The following OSBPL10 variants were observed in gnomAD, a reference collection of about 807,000 sequenced individuals.
OSBPL10 encodes the protein oxysterol binding protein like 10.
A neutral mutation model predicts 81.7 loss-of-function variants in OSBPL10; 49 were observed. That is an observed-to-expected ratio of 0.60 (90% CI 0.48 to 0.76). OSBPL10 has a LOEUF of 0.76. Ranked by LOEUF, OSBPL10 falls within the 30% of genes least tolerant of loss-of-function variation. OSBPL10 has a pLI of 0.00. For synonymous variants in OSBPL10, 419 were observed against 383.6 expected (o/e 1.09, Z -1.08); for missense variants, 923 against 987.8 (o/e 0.93, Z 0.88).
intron 1 of OSBPL10, among the ~76,000 whole-genome samples, chr3:31,976,154 G>A (rs1212291155): frequency 2.0e-5 from 3 of 152,042 alleles, no homozygotes; most frequent in African/African-American, 7.2e-5. Flanking sequence ...ACAGCACTCA[G>A]AATAAAAACC....
chr3:31,783,111 TTATATATATATATA>T (rs56846176), intron 4 of OSBPL10, among the ~76,000 whole-genome samples: 61,461 of 121,810 alleles, frequency 0.5, 16,526 homozygotes, highest in East Asian at 0.73. Flanking sequence ...AATATATCTA[TTATATATATATATA>T]TATATATATA....
At chr3:31,683,370 C>T (rs1339650479) in intron 8 of OSBPL10, among the ~76,000 whole-genome samples, 3 of 152,026 alleles carry the variant, frequency 2.0e-5, no homozygotes, top group Non-Finnish European at 2.9e-5. Flanking sequence ...CACGCACGCG[C>T]GTGCACAGCA....
chr3:31,953,119 A>G (rs1697916918), intron 1 of OSBPL10, among the ~76,000 whole-genome samples: 1 of 151,480 alleles, frequency 6.6e-6, no homozygotes, highest in Non-Finnish European at 1.5e-5. Context: ...TTTTTAGTAG[A>G]GACGGGGGTC....
In OSBPL10 at chr3:31,789,844, T is replaced by C. The variant is rs563083956; in HGVS notation, c.729+40196A>G. ...TATGCACCAAAAATAAAGAGGATAC[T>C]TCTTCCTTGTAACCTGAGTTGTATG... On this transcript the variant is annotated intron_variant, in intron 4 of 11. Transcript: ENST00000396556. Among the ~76,000 whole-genome samples, 10 of 152,342 alleles carry C rather than the reference T, an allele frequency of 6.6e-5. No individual in the cohort carries two copies. In the South Asian group the frequency reaches 1.9e-3, roughly 28 times the overall value.
At chr3:31,990,817 T>C in intron 2 of OSBPL10, 4 of 1,601,170 alleles carry the variant, frequency 2.5e-6, no homozygotes, top group Non-Finnish European at 3.4e-6. Context: ...TCAAGCTTCA[T>C]CTTATGCAAA....
intron 3 of OSBPL10, among the ~76,000 whole-genome samples, chr3:31,832,743 C>T (rs990352296): frequency 4.6e-5 from 7 of 152,128 alleles, no homozygotes; most frequent in Non-Finnish European, 8.8e-5. Flanking sequence ...GCAGGATGTT[C>T]CAAGGGTGAT....
intron 3 of OSBPL10, among the ~76,000 whole-genome samples, chr3:31,860,572 A>C (rs531872829): frequency 6.6e-6 from 1 of 152,336 alleles, no homozygotes; most frequent in Admixed American, 6.5e-5. Flanking sequence ...ACCACATCTT[A>C]TCTGATGACC....
At chr3:31,855,532 T>C (rs1038441382) in intron 3 of OSBPL10, among the ~76,000 whole-genome samples, 4 of 152,200 alleles carry the variant, frequency 2.6e-5, no homozygotes, top group African/African-American at 9.6e-5. Context: ...TATTTGTCTG[T>C]TGGATGTCTC....
chr3:31,746,348 G>A (rs191339711), intron 5 of OSBPL10, among the ~76,000 whole-genome samples: 2 of 152,160 alleles, frequency 1.3e-5, no homozygotes, highest in African/African-American at 4.8e-5. Flanking sequence ...ATAATGTGGT[G>A]GCCTCAACAC....
rs376708100 is a variant in OSBPL10, at chr3:32,067,385, G to A, written n.185+10011C>T. On this transcript the variant is annotated intron_variant and non_coding_transcript_variant, in intron 1 of 3. Transcript: ENST00000479173. ...CTCATCTTGAGGAGCAATAAATTCA[G>A]CTTTGTCTTTTCAGTTGGTTGAGTT... 6.6e-5 allele frequency among the ~76,000 whole-genome samples: 10 copies of A among 152,072 alleles called. No individual in the cohort carries two copies. The East Asian group carries it at 1.4e-3, about 21-fold the overall frequency.
chr3:31,690,440 C>T (rs147666413), intron 7 of OSBPL10, among the ~76,000 whole-genome samples: 33 of 152,160 alleles, frequency 2.2e-4, no homozygotes, highest in African/African-American at 8.0e-4. Context: ...GATAGCAATG[C>T]AAGAACTAAT....
intron 3 of OSBPL10, among the ~76,000 whole-genome samples, chr3:31,839,519 G>GA (rs947691331): frequency 4.0e-5 from 6 of 149,986 alleles, no homozygotes; most frequent in African/African-American, 7.3e-5. Context: ...TAGAAAAAAA[G>GA]AAAAAAAACT....
At chr3:31,706,617 G>T (rs1484722499) in intron 6 of OSBPL10, among the ~76,000 whole-genome samples, 1 of 152,136 alleles carries the variant, frequency 6.6e-6, no homozygotes, top group African/African-American at 2.4e-5. Flanking sequence ...ACGTGTGTTA[G>T]GTTTGTGTGG....
chr3:31,712,879 A>C (rs1696305473), intron 6 of OSBPL10, among the ~76,000 whole-genome samples: 1 of 152,032 alleles, frequency 6.6e-6, no homozygotes, highest in African/African-American at 2.4e-5. Flanking sequence ...TTGTTTTTCT[A>C]ATCACTTGGC....
At position 31,831,513 on chromosome 3, in the gene OSBPL10, G is replaced by A. The variant is rs1328646620; in HGVS notation, c.538-1282C>T. On this transcript the variant is annotated intron_variant, in intron 3 of 11. Coordinates refer to ENST00000396556, the MANE Select transcript of OSBPL10 (RefSeq NM_017784.5). ...ACAGACCAACAAAATACCCCACTAC[G>A]ACCACCAGCAAAGCCCAACTATAAA... Among the ~76,000 whole-genome samples, 8 of 151,774 alleles carry A rather than the reference G, an allele frequency of 5.3e-5. 1 individual carries two copies. Among genetic ancestry groups the A allele is most frequent in the Non-Finnish European group, 2.9e-5 (2 of 67,940 alleles).
chr3:31,991,077 T>C (rs1699022224), intron 2 of OSBPL10: 1 of 1,166,436 alleles, frequency 8.6e-7, no homozygotes, highest in Admixed American at 2.5e-5. Context: ...GACATTAGAG[T>C]CAATTCAGCA....
intron 1 of OSBPL10, among the ~76,000 whole-genome samples, chr3:31,942,534 C>CAAAAAAA (rs34915200): frequency 2.5e-5 from 2 of 79,744 alleles, no homozygotes; most frequent in African/African-American, 4.9e-5. Flanking sequence ...GACTCCATCT[C>CAAAAAAA]AAAAAAAAAA....
intron 2 of OSBPL10, chr3:31,990,152 C>A: frequency 6.2e-7 from 1 of 1,611,724 alleles, no homozygotes; most frequent in Admixed American, 1.7e-5. Context: ...TCACACCTCA[C>A]ACAACACACT....
At chr3:31,767,837 C>T (rs989669810) in intron 4 of OSBPL10, among the ~76,000 whole-genome samples, 1 of 152,172 alleles carries the variant, frequency 6.6e-6, no homozygotes, top group Non-Finnish European at 1.5e-5. Flanking sequence ...GGGGCTGTCA[C>T]AAGGCGAACC....
Sources: allele counts gnomAD v4.1 joint callset (sites outside exome capture counted in the v4.1 genomes callset), GRCh38; gene constraint gnomAD v4.1.1; transcripts MANE v1.5; gene names NCBI Gene and HGNC (gene_info 2026-07-23, HGNC 2026-07-21).